SEMA6C: variants seen among roughly 807,000 people sequenced by gnomAD.
The protein encoded by SEMA6C is semaphorin-6C.
Under a neutral mutation model 72.9 loss-of-function variants are expected in SEMA6C, and 37 were observed. The observed-to-expected ratio is 0.51, with a 90% CI of 0.39 to 0.67. SEMA6C has a LOEUF of 0.67. Ranked by LOEUF, SEMA6C falls within the 30% of genes least tolerant of loss-of-function variation. SEMA6C has a pLI of 0.00. For missense variants in SEMA6C, 1,189 were observed against 1,263.6 expected, an observed-to-expected ratio of 0.94 and a Z score of 0.89; for synonymous variants, 578 against 554.1, an observed-to-expected ratio of 1.04 and a Z score of -0.61.
intron 4 of SEMA6C, 84 bp downstream of exon 4, chr1:151,139,892 C>T (rs1682388343): frequency 2.2e-6 from 3 of 1,361,564 alleles, no homozygotes; most frequent in Non-Finnish European, 3.1e-6. Context: ...GTGTCCCCTG[C>T]AAGATGCTAC....
intron 7 of SEMA6C, 65 bp downstream of exon 7, chr1:151,138,565 C>G (rs905055261): frequency 5.2e-6 from 8 of 1,529,652 alleles, no homozygotes; most frequent in Non-Finnish European, 7.2e-6. Flanking sequence ...CCTTTCCCAT[C>G]AAACCCATTG....
In SEMA6C at chr1:151,139,675, T is replaced by C. The variant is rs776793784; in HGVS notation, c.260A>G (p.Gln87Arg). ...ARDHVFSFDL[Q>R]AEEEGEGLVP... ...CAGCCCCTCCCCTTCTTCTTCGGCT[T>C]GAAGATCGAAGGAGAAAACGTGATC... Residue 87 changes from glutamine to arginine, a missense_variant, in exon 5 of 19, where the codon CAA becomes CGA. Transcript: ENST00000368914. The C allele has an allele frequency of 5.6e-6, 9 of 1,605,910 alleles. No homozygotes were observed. The highest frequency in any genetic ancestry group is 1.3e-5 in the African/African-American group (1 of 74,874).
intron 2 of SEMA6C, among the ~76,000 whole-genome samples, chr1:151,143,451 A>G (rs1297996008): frequency 6.6e-6 from 1 of 152,068 alleles, no homozygotes; most frequent in African/African-American, 2.4e-5. Flanking sequence ...CCTGGCTCCT[A>G]AGAACCAGTG....
intron 11 of SEMA6C, 135 bp downstream of exon 11, chr1:151,136,721 GA>G: frequency 1.5e-6 from 2 of 1,354,662 alleles, no homozygotes; most frequent in Non-Finnish European, 1.0e-6. Flanking sequence ...CACACTAGGA[GA>G]AAAAATGGCA....
rs1016996036 is a variant in SEMA6C at position 151,133,987 on chromosome 1, A to T, written c.1759+414T>A. ...CGAGTGTGAACTCCAAGAGTGGAAG[A>T]CTGGGGCCGGGGGTGGGCATCACTG... On this transcript the variant is annotated intron_variant, in intron 18 of 18. Coordinates refer to ENST00000368914, the MANE Select transcript of SEMA6C (RefSeq NM_030913.6). The surrounding 1 kb of genome is among the most constrained non-coding windows in gnomAD (Gnocchi z 5.9). 1 of 648,370 alleles carries T rather than the reference A, an allele frequency of 1.5e-6. No homozygotes were observed. The highest frequency in any genetic ancestry group is 2.6e-6 in the Non-Finnish European group (1 of 391,632). The allele number at this position is 648,370 out of a possible 1,614,324, so 40.2% of individuals were successfully genotyped here.
At chr1:151,136,785 CT>C (rs1231047724) in intron 11 of SEMA6C, 71 bp downstream of exon 11, 1 of 1,453,538 alleles carries the variant, frequency 6.9e-7, no homozygotes, top group East Asian at 2.3e-5. Context: ...CATCAGTAGG[CT>C]GTGAAAGGGG....
At position 151,134,669 on chromosome 1, in the gene SEMA6C, A is replaced by G. The variant is rs143430474; in HGVS notation, c.1665T>C (p.Asp555=). ...ATTCCTGGTTCCCAGCCTGATCCAC[A>G]TCAGTCCTAGGAGGAAAACGAAGTG... ...CVDIRGSGGT[D]VDQAGNQESM... is the part of the protein sequence containing the mutation. Residue 555 remains aspartate (D), a synonymous_variant, in exon 17 of 19, where the codon GAT becomes GAC. Transcript: ENST00000368914. 5 of 1,613,960 alleles carry G rather than the reference A, an allele frequency of 3.1e-6. No homozygotes were observed. The African/African-American group carries it at 6.7e-5, about 22-fold the overall frequency.
intron 10 of SEMA6C, 50 bp downstream of exon 10, chr1:151,137,661 A>G: frequency 6.7e-7 from 1 of 1,483,402 alleles, no homozygotes; most frequent in Non-Finnish European, 9.3e-7. Flanking sequence ...CTGGCTCCTC[A>G]GGATCCAGCA....
chr1:151,136,078 C>T lies in SEMA6C; in HGVS notation c.1192G>A (p.Ala398Thr), dbSNP rs774499865. The change falls in exon 13 of 19, where the codon GCT becomes ACT. Residue 398 changes from alanine (A) to threonine (T), a missense_variant. Ala to Thr is a moderately conservative substitution (Grantham distance 58). Around this residue, in one of 2 missense-constraint regions of SEMA6C, gnomAD observed 468 missense variants for 577.4 expected, o/e 0.81. Coordinates refer to ENST00000368914, the MANE Select transcript of SEMA6C (RefSeq NM_030913.6). ...LPDDVLTFIK[A>T]HPLLDPAVPP... ...ACAGCGGGGTCCAGCAGCGGGTGAGCCTTGATGAAGGTCAGGACATCATCA... is the reference window on the plus strand; with the variant it reads ...ACAGCGGGGTCCAGCAGCGGGTGAGTCTTGATGAAGGTCAGGACATCATCA... 1.2e-6 allele frequency: 2 copies of T among 1,614,034 alleles called. No individual in the cohort carries two copies. The highest frequency in any genetic ancestry group is 1.7e-5 in the Admixed American group (1 of 60,008).
Position 151,136,176 on chromosome 1 carries a change from T to G in SEMA6C, c.1107-13A>C. 5 of 1,612,958 alleles carry G rather than the reference T, an allele frequency of 3.1e-6. No individual in the cohort carries two copies. The highest frequency in any genetic ancestry group is 4.2e-6 in the Non-Finnish European group (5 of 1,179,804). On this transcript the variant is annotated splice_polypyrimidine_tract_variant and intron_variant, in intron 12 of 18. Coordinates refer to ENST00000368914, the MANE Select transcript of SEMA6C (RefSeq NM_030913.6). ...ACAGGATCCTGGCCTGGTGGGTGAA[T>G]GGGAAGGGGCTGCCTTTGGACTGGG...
chr1:151,137,184 G>C, intron 10 of SEMA6C, 110 bp from the exon 11 acceptor site: 1 of 897,956 alleles, frequency 1.1e-6, no homozygotes, highest in South Asian at 1.5e-5. Flanking sequence ...GGTGGCTCAC[G>C]CCTGTAATCC....
rs1479571445 is a variant in SEMA6C, at chr1:151,132,405, G to A, written c.*79C>T. 11 of 1,522,186 alleles carry A rather than the reference G, an allele frequency of 7.2e-6. No individual in the cohort carries two copies. The highest frequency in any genetic ancestry group is 9.7e-6 in the Non-Finnish European group (11 of 1,132,184). 94.3% of individuals were successfully genotyped at this position (1,522,186 alleles called of 1,614,324 possible). ...TGGAGGTGCGGGGCGAGGGGGCGGT[G>A]AAACGTCCTGAAGAGCGTCCAGCTC... On this transcript the variant is annotated 3_prime_UTR_variant, in exon 19 of 19. Transcript: ENST00000368914.
chr1:151,133,526 C>G lies in SEMA6C; in HGVS notation c.1760-9G>C, dbSNP rs973291489. 3 of 1,498,608 alleles carry G rather than the reference C, an allele frequency of 2.0e-6. No individual in the cohort carries two copies. In the African/African-American group the frequency reaches 4.2e-5, roughly 21 times the overall value. The allele number at this position is 1,498,608 out of a possible 1,614,324, so 92.8% of individuals were successfully genotyped here. A position where few individuals can be genotyped will look rare whatever the true frequency, so the allele number is the denominator to read the frequency against. On this transcript the variant is annotated splice_polypyrimidine_tract_variant and intron_variant, in intron 18 of 18. Transcript: ENST00000368914. The surrounding 1 kb of genome is among the most constrained non-coding windows in gnomAD (Gnocchi z 5.9). ...CAGGTCCCGGCGCACGCCTGCCGAC[C>G]GAGAGGGAGGAGGGAGGCTCAGCCA...
chr1:151,135,551 C>G, intron 14 of SEMA6C, 40 bp downstream of exon 14: 1 of 1,585,342 alleles, frequency 6.3e-7, no homozygotes, highest in Non-Finnish European at 8.6e-7. Flanking sequence ...CTCCCATCCC[C>G]TCCCTGCTTT....
At chr1:151,137,445 C>A (rs1469697008) in intron 10 of SEMA6C, among the ~76,000 whole-genome samples, 216 of 105,210 alleles carry the variant, frequency 2.1e-3, no homozygotes, top group South Asian at 3.1e-3. Context: ...GACTCCGTCT[C>A]AAAAAAAAAA....
At chr1:151,139,544 T>A in intron 5 of SEMA6C, 63 bp from the exon 6 acceptor site, 1 of 1,602,348 alleles carries the variant, frequency 6.2e-7, no homozygotes, top group Non-Finnish European at 8.6e-7. Flanking sequence ...ACATTATGGC[T>A]CCTTTTAGAT....
chr1:151,138,840 C>T, intron 6 of SEMA6C, 109 bp from the exon 7 acceptor site: 1 of 870,498 alleles, frequency 1.1e-6, no homozygotes, highest in African/African-American at 1.7e-5. Flanking sequence ...CGCCTGTAAT[C>T]CTAGCACTTT....
chr1:151,139,881 T>C (rs1007954369), intron 4 of SEMA6C, 95 bp downstream of exon 4: 17 of 1,296,710 alleles, frequency 1.3e-5, no homozygotes, highest in Non-Finnish European at 1.8e-5. Context: ...TGCACCTGCA[T>C]GTGTCCCCTG....
chr1:151,143,703 G>C (rs909307800), intron 2 of SEMA6C, among the ~76,000 whole-genome samples: 2 of 152,168 alleles, frequency 1.3e-5, no homozygotes, highest in Non-Finnish European at 2.9e-5. Context: ...GCCTCCCTCA[G>C]CCAAATGACC....
Sources: allele counts gnomAD v4.1 joint callset (sites outside exome capture counted in the v4.1 genomes callset), GRCh38; gene constraint gnomAD v4.1.1; regional missense constraint gnomAD v4.1.1; non-coding constraint Gnocchi (gnomAD v3.1); transcripts MANE v1.5; gene names NCBI Gene and HGNC (gene_info 2026-07-23, HGNC 2026-07-21).